Variants in CA10 observed in about 807,000 individuals in gnomAD.
CA10 encodes carbonic anhydrase-related protein 10.
Under a neutral mutation model 44.2 loss-of-function variants are expected in CA10, and 14 were observed. The ratio of observed to expected loss-of-function variants is 0.32; its 90% CI spans 0.21 to 0.50. The LOEUF (loss-of-function observed/expected upper bound fraction) is 0.50. Among genes scored for constraint, CA10 ranks in the 20% least tolerant of loss-of-function variants. The pLI, the probability that CA10 is intolerant of heterozygous loss-of-function variation, is 0.99. For missense variants in CA10, 350 were observed against 409.7 expected (o/e 0.85, Z 1.26); for synonymous variants, 159 against 141.6 (o/e 1.12, Z -0.87).
chr17:51,919,050 T>G (rs932231080), intron 3 of CA10, among the ~76,000 whole-genome samples: 1 of 152,206 alleles, frequency 6.6e-6, no homozygotes, highest in African/African-American at 2.4e-5. Flanking sequence ...TTTTTCAGTT[T>G]TAATTTGGTT....
intron 3 of CA10, among the ~76,000 whole-genome samples, chr17:51,791,795 CTTTCT>C (rs950199340): frequency 4.1e-4 from 63 of 152,146 alleles, no homozygotes; most frequent in African/African-American, 1.3e-3. Flanking sequence ...TCATAGAATT[CTTTCT>C]TTTAATAGCT....
At chr17:52,107,271 A>G (rs142023343) in intron 1 of CA10, among the ~76,000 whole-genome samples, 302 of 152,286 alleles carry the variant, frequency 2.0e-3, no homozygotes, top group Non-Finnish European at 3.4e-3. Context: ...TACTCTTGCT[A>G]TAAAGTGAAT....
At chr17:52,084,413 A>C (rs8067628) in intron 1 of CA10, among the ~76,000 whole-genome samples, 1 of 151,554 alleles carries the variant, frequency 6.6e-6, no homozygotes, top group Admixed American at 6.6e-5. Flanking sequence ...TCACATACTT[A>C]TAAGTGGTAG....
At chr17:51,959,116 G>T (rs1983771618) in intron 2 of CA10, among the ~76,000 whole-genome samples, 2 of 151,816 alleles carry the variant, frequency 1.3e-5, no homozygotes, top group African/African-American at 4.8e-5. Flanking sequence ...GGAAACATAT[G>T]TACCTGTCTG....
intron 3 of CA10, among the ~76,000 whole-genome samples, chr17:51,924,400 G>A (rs1286807419): frequency 2.0e-5 from 3 of 152,202 alleles, no homozygotes; most frequent in Non-Finnish European, 4.4e-5. Flanking sequence ...GTGAATGCCA[G>A]GCTGAAGCAT....
chr17:51,748,245 G>T (rs1904775501), intron 3 of CA10, among the ~76,000 whole-genome samples: 1 of 152,168 alleles, frequency 6.6e-6, no homozygotes, highest in Admixed American at 6.5e-5. Context: ...AAGAGAAAAT[G>T]AGTGACTAGA....
At chr17:52,039,752 G>C (rs1986718205) in intron 2 of CA10, among the ~76,000 whole-genome samples, 1 of 152,070 alleles carries the variant, frequency 6.6e-6, no homozygotes, top group South Asian at 2.1e-4. Context: ...TAACACATTA[G>C]AGTTTGTCCA....
chr17:51,655,804 C>A (rs1238514696), intron 4 of CA10, among the ~76,000 whole-genome samples: 1 of 152,228 alleles, frequency 6.6e-6, no homozygotes, highest in Non-Finnish European at 1.5e-5. Flanking sequence ...ATGAAGAGAG[C>A]ACATGTTACT....
At chr17:52,002,394 A>C (rs901783455) in intron 2 of CA10, among the ~76,000 whole-genome samples, 1 of 151,920 alleles carries the variant, frequency 6.6e-6, no homozygotes, top group Non-Finnish European at 1.5e-5. Flanking sequence ...TAAAAAGTGC[A>C]GGTGACTCTG....
At chr17:51,773,334 C>A (rs1277683468) in intron 3 of CA10, among the ~76,000 whole-genome samples, 2 of 152,258 alleles carry the variant, frequency 1.3e-5, no homozygotes, top group East Asian at 3.9e-4. Context: ...TTATTTGGGA[C>A]TAGGACTAGG....
chr17:51,663,097 C>T (rs532067265), intron 4 of CA10, among the ~76,000 whole-genome samples: 2 of 151,908 alleles, frequency 1.3e-5, no homozygotes, highest in East Asian at 3.9e-4. Context: ...GAGAGTGAAA[C>T]AAGATAATGA....
At position 51,938,470 on chromosome 17, in the gene CA10, C is replaced by T. The variant is rs75621216; in HGVS notation, c.137-7338G>A. Among the ~76,000 whole-genome samples, 1,105 of 152,206 alleles carry T rather than the reference C, an allele frequency of 7.3e-3. 6 individuals carry two copies. Among genetic ancestry groups the T allele is most frequent in the Middle Eastern group, 0.017 (5 of 294 alleles). On this transcript the variant is annotated intron_variant, in intron 2 of 8. Transcript: ENST00000451037. ...AGGTCAAGGGATTAATTGCTTAATT[C>T]CATACTTTCAATGAGCCATGTGCAT...
At chr17:51,729,340 TG>T (rs946384681) in intron 4 of CA10, among the ~76,000 whole-genome samples, 5 of 151,794 alleles carry the variant, frequency 3.3e-5, no homozygotes, top group East Asian at 1.9e-4. Flanking sequence ...TAAACTTTTT[TG>T]TGTGTGTGTG....
intron 7 of CA10, among the ~76,000 whole-genome samples, chr17:51,634,365 T>G (rs4794284): frequency 3.9e-5 from 6 of 151,978 alleles, no homozygotes; most frequent in African/African-American, 1.5e-4. Flanking sequence ...GTGGGTCCCA[T>G]TCAATACAGA....
chr17:51,685,290 G>C (rs1014419418), intron 4 of CA10, among the ~76,000 whole-genome samples: 1 of 152,140 alleles, frequency 6.6e-6, no homozygotes, highest in Non-Finnish European at 1.5e-5. Flanking sequence ...TAAATCATTT[G>C]AGACTCTCTC....
At chr17:52,042,578 T>C (rs1598182334) in intron 2 of CA10, among the ~76,000 whole-genome samples, 1 of 152,168 alleles carries the variant, frequency 6.6e-6, no homozygotes, top group East Asian at 2.0e-4. Flanking sequence ...TTTTTTTCTT[T>C]GTTGTTCAGA....
At chr17:52,078,307 A>T (rs1371112258) in intron 1 of CA10, among the ~76,000 whole-genome samples, 1 of 152,212 alleles carries the variant, frequency 6.6e-6, no homozygotes, top group African/African-American at 2.4e-5. Flanking sequence ...TCACAAAGGG[A>T]TCCAGTTGGG....
At chr17:51,840,865 G>A (rs1978313587) in intron 3 of CA10, among the ~76,000 whole-genome samples, 1 of 152,172 alleles carries the variant, frequency 6.6e-6, no homozygotes, top group African/African-American at 2.4e-5. Flanking sequence ...TGAAACCAAA[G>A]CAGTAACAGA....
chr17:51,969,408 C>T (rs540776053), intron 2 of CA10, among the ~76,000 whole-genome samples: 87 of 152,030 alleles, frequency 5.7e-4, no homozygotes, highest in Non-Finnish European at 9.1e-4. Context: ...TTTCACTGTG[C>T]GTCTGAGTCC....
Sources: gnomAD v4.1 joint callset for allele counts (sites outside exome capture counted in the v4.1 genomes callset) on GRCh38, gnomAD v4.1.1 for gene constraint, MANE v1.5 for transcripts, NCBI Gene and HGNC (gene_info 2026-07-23, HGNC 2026-07-21) for gene names.